Variants in GLRA2 observed in about 807,000 individuals in gnomAD.
The protein encoded by GLRA2 is glycine receptor subunit alpha-2.
A neutral mutation model predicts 31.6 loss-of-function variants in GLRA2; 11 were observed. The observed-to-expected ratio is 0.35, with a 90% CI of 0.22 to 0.58. The LOEUF is 0.58. Ranked by LOEUF, GLRA2 falls within the 20% of genes least tolerant of loss-of-function variation. The pLI, the probability that GLRA2 is intolerant of heterozygous loss-of-function variation, is 0.84. For synonymous variants in GLRA2, 132 were observed against 134.0 expected (o/e 0.99, Z 0.10); for missense variants, 212 against 351.8 (o/e 0.60, Z 3.18).
At chrX:14,695,228 AAAAGGAAC>A (rs1249978463) in intron 8 of GLRA2, among the ~76,000 whole-genome samples, 3 of 111,795 alleles carry the variant, frequency 2.7e-5, no homozygotes, top group African/African-American at 9.7e-5. Context: ...ATTGGGCAGA[AAAAGGAAC>A]AAAGGAAATG....
chrX:14,572,529 G>A (rs986386821), intron 2 of GLRA2, among the ~76,000 whole-genome samples: 1 of 111,818 alleles, frequency 8.9e-6, no homozygotes, highest in Non-Finnish European at 1.9e-5. Flanking sequence ...GAATTCTATA[G>A]CCAAGAAAGA....
chrX:14,549,449 G>GATAT (rs2098370071), intron 2 of GLRA2, among the ~76,000 whole-genome samples: 1 of 111,409 alleles, frequency 9.0e-6, no homozygotes, highest in African/African-American at 3.3e-5. Flanking sequence ...CCTTTCAAAG[G>GATAT]ATATACGAAA....
chrX:14,507,527 A>G, the GLRA2 span, among the ~76,000 whole-genome samples: 1 of 110,471 alleles, frequency 9.1e-6, no homozygotes, highest in Non-Finnish European at 1.9e-5. Context: ...GAAAAAGTAC[A>G]GAAATTGAGA....
intron 8 of GLRA2, among the ~76,000 whole-genome samples, chrX:14,714,522 A>G (rs190386317): frequency 8.9e-6 from 1 of 111,869 alleles, no homozygotes; most frequent in Non-Finnish European, 1.9e-5. Context: ...TCAACTCCCT[A>G]TGCCGCCACC....
intron 3 of GLRA2, among the ~76,000 whole-genome samples, chrX:14,574,809 T>C (rs781422925): frequency 1.8e-5 from 2 of 112,160 alleles, no homozygotes; most frequent in East Asian, 5.5e-4. Context: ...TGGTTTTCTG[T>C]AGAATTATCC....
intron 8 of GLRA2, among the ~76,000 whole-genome samples, chrX:14,708,137 G>A (rs762809442): frequency 1.8e-5 from 2 of 111,403 alleles, no homozygotes; most frequent in African/African-American, 3.3e-5. Flanking sequence ...TCACAGAACT[G>A]AAACTTTGTA....
intron 1 of GLRA2, chrX:14,531,026 C>T: frequency 1.0e-6 from 1 of 956,710 alleles, no homozygotes; most frequent in Non-Finnish European, 1.4e-6. Context: ...GGAAAACCCA[C>T]TATGTTCCTT....
At chrX:14,621,755 A>T (rs898110292) in intron 7 of GLRA2, among the ~76,000 whole-genome samples, 5 of 112,104 alleles carry the variant, frequency 4.5e-5, no homozygotes, top group African/African-American at 1.6e-4. Flanking sequence ...TCTTAATCCA[A>T]TCTATCATAG....
At chrX:14,460,984 G>A in the GLRA2 span, among the ~76,000 whole-genome samples, 11 of 111,298 alleles carry the variant, frequency 9.9e-5, no homozygotes, top group East Asian at 8.5e-4. Context: ...CTGCTTTATC[G>A]TGTGGGCATT....
intron 7 of GLRA2, among the ~76,000 whole-genome samples, chrX:14,612,490 T>C (rs1231085052): frequency 9.0e-6 from 1 of 111,404 alleles, no homozygotes; most frequent in Non-Finnish European, 1.9e-5. Context: ...AACCAAAGGA[T>C]TATAAATCAT....
intron 7 of GLRA2, among the ~76,000 whole-genome samples, chrX:14,635,500 T>C (rs928710705): frequency 1.8e-5 from 2 of 111,897 alleles, no homozygotes; most frequent in Non-Finnish European, 3.8e-5. Flanking sequence ...CATGAGGATC[T>C]GTTTCTATAA....
chrX:14,543,710 T>C (rs2089439539), intron 2 of GLRA2, among the ~76,000 whole-genome samples: 1 of 111,956 alleles, frequency 8.9e-6, no homozygotes, highest in Admixed American at 9.5e-5. Context: ...TTTTTAAATG[T>C]AAAATAAGTA....
the GLRA2 span, among the ~76,000 whole-genome samples, chrX:14,522,226 G>A: frequency 8.9e-6 from 1 of 112,320 alleles, no homozygotes; most frequent in African/African-American, 3.2e-5. Flanking sequence ...ACCAGGAGTT[G>A]ATTCTAACTC....
chrX:14,585,267 G>T (rs2090067857), intron 4 of GLRA2, among the ~76,000 whole-genome samples: 1 of 111,630 alleles, frequency 9.0e-6, no homozygotes, highest in Non-Finnish European at 1.9e-5. Flanking sequence ...ACTGTACTGG[G>T]TCTAGAGATC....
At chrX:14,450,627 G>C in the GLRA2 span, among the ~76,000 whole-genome samples, 2 of 112,083 alleles carry the variant, frequency 1.8e-5, no homozygotes, top group East Asian at 5.6e-4. Context: ...TACTTTAAAA[G>C]GGAACCCCAT....
intron 2 of GLRA2, among the ~76,000 whole-genome samples, chrX:14,565,458 C>T (rs1015160575): frequency 9.0e-6 from 1 of 111,054 alleles, no homozygotes; most frequent in Non-Finnish European, 1.9e-5. Flanking sequence ...CCAACTATTA[C>T]TGTAGAAATG....
At chrX:14,702,869 G>C (rs1461177813) in intron 8 of GLRA2, among the ~76,000 whole-genome samples, 1 of 111,605 alleles carries the variant, frequency 9.0e-6, no homozygotes, top group African/African-American at 3.3e-5. Flanking sequence ...ATGATCCAGA[G>C]GCTTAGAGAC....
chrX:14,593,649 A>G (rs2090168358), intron 4 of GLRA2, among the ~76,000 whole-genome samples: 1 of 112,731 alleles, frequency 8.9e-6, no homozygotes, highest in African/African-American at 3.2e-5. Context: ...AAGTCATTTA[A>G]CCTTTCTTTG....
At chrX:14,469,784 G>A in the GLRA2 span, among the ~76,000 whole-genome samples, 9 of 106,528 alleles carry the variant, frequency 8.4e-5, no homozygotes, top group South Asian at 8.8e-4. Context: ...AGCATGGCAC[G>A]TGTATACATA....
Sources: allele counts gnomAD v4.1 joint callset (sites outside exome capture counted in the v4.1 genomes callset), GRCh38; gene constraint gnomAD v4.1.1; transcripts MANE v1.5; gene names NCBI Gene and HGNC (gene_info 2026-07-23, HGNC 2026-07-21).